HSPBAP1: variants seen among roughly 807,000 people sequenced by gnomAD.
HSPBAP1 encodes the protein HSPB1-associated protein 1.
HSPBAP1 carries 27 observed loss-of-function variants against 45.2 expected under a neutral mutation model. The observed-to-expected ratio is 0.60, with a 90% CI of 0.44 to 0.82. The LOEUF (loss-of-function observed/expected upper bound fraction) is 0.82. Ranked by LOEUF, HSPBAP1 falls within the 40% of genes least tolerant of loss-of-function variation. The pLI is 0.00. For missense variants in HSPBAP1, 510 were observed against 590.9 expected, an observed-to-expected ratio of 0.86 and a Z score of 1.42; for synonymous variants, 204 against 202.7, an observed-to-expected ratio of 1.01 and a Z score of -0.06.
chr3:122,772,590 T>TA (rs577601143), intron 2 of HSPBAP1, among the ~76,000 whole-genome samples: 45 of 151,906 alleles, frequency 3.0e-4, no homozygotes, highest in Non-Finnish European at 5.9e-4. Context: ...GCTATTTGTG[T>TA]AAAAAAAATT....
chr3:122,760,387 T>C (rs1341781644), intron 3 of HSPBAP1, among the ~76,000 whole-genome samples: 4 of 151,918 alleles, frequency 2.6e-5, no homozygotes, highest in African/African-American at 9.7e-5. Flanking sequence ...CCCACTTCTA[T>C]GTGCAGAACA....
At chr3:122,752,432 G>GTCTA (rs2107505407) in intron 6 of HSPBAP1, among the ~76,000 whole-genome samples, 159 bp downstream of exon 6, 1 of 152,024 alleles carries the variant, frequency 6.6e-6, no homozygotes, top group East Asian at 1.9e-4. Context: ...TCCATTAACA[G>GTCTA]AAGACAGAAT....
At chr3:122,749,532 A>C (rs1934049482) in intron 6 of HSPBAP1, among the ~76,000 whole-genome samples, 1 of 152,214 alleles carries the variant, frequency 6.6e-6, no homozygotes, top group Non-Finnish European at 1.5e-5. Flanking sequence ...AAAGAATTGC[A>C]AAGAAATCTT....
chr3:122,783,370 C>G (rs1935553233), intron 1 of HSPBAP1, among the ~76,000 whole-genome samples: 1 of 152,158 alleles, frequency 6.6e-6, no homozygotes, highest in Non-Finnish European at 1.5e-5. Context: ...TCTTCCTGGA[C>G]TTGATGTGCC....
intron 6 of HSPBAP1, among the ~76,000 whole-genome samples, chr3:122,744,910 T>G (rs1933791862): frequency 6.6e-6 from 1 of 152,088 alleles, no homozygotes; most frequent in African/African-American, 2.4e-5. Flanking sequence ...ATTGATATAA[T>G]TTATTGCAAT....
chr3:122,787,864 A>T (rs1355934508), intron 1 of HSPBAP1, among the ~76,000 whole-genome samples: 2 of 152,232 alleles, frequency 1.3e-5, no homozygotes, highest in Non-Finnish European at 1.5e-5. Flanking sequence ...CACCAAAAAG[A>T]ATTTTTCATT....
At chr3:122,780,777 A>G (rs1368803790) in intron 1 of HSPBAP1, among the ~76,000 whole-genome samples, 19 of 147,034 alleles carry the variant, frequency 1.3e-4, no homozygotes, top group South Asian at 6.6e-4. Context: ...TGCCGGGCGG[A>G]GGGGCTCCTC....
At chr3:122,752,508 A>T in intron 6 of HSPBAP1, 83 bp downstream of exon 6, 2 of 771,984 alleles carry the variant, frequency 2.6e-6, no homozygotes, top group Non-Finnish European at 4.1e-6. Context: ...TTAATTACCC[A>T]GTTGTACAGC....
At chr3:122,743,818 G>A (rs904480363) in intron 6 of HSPBAP1, among the ~76,000 whole-genome samples, 1 of 152,138 alleles carries the variant, frequency 6.6e-6, no homozygotes, top group African/African-American at 2.4e-5. Context: ...AGACAGGAAA[G>A]GGATTGGGAA....
In HSPBAP1 at chr3:122,741,905, C is replaced by G. The variant is rs138873030; in HGVS notation, c.826-792G>C. 176 of 152,032 alleles carry G rather than the reference C, an allele frequency of 1.2e-3. 1 individual carries two copies. Among genetic ancestry groups the G allele is most frequent in the African/African-American group, 4.2e-3 (174 of 41,478 alleles). 9.4% of individuals were successfully genotyped at this position (152,032 alleles called of 1,614,324 possible). On this transcript the variant is annotated intron_variant, in intron 6 of 7. Transcript: ENST00000306103. ...AAGTGGGACATTGAGAGACAAAAGT[C>G]TTATACACTAATGGGAAAGCAAACT... is the stretch of plus-strand genomic sequence containing the variant.
rs767965148 is a variant in HSPBAP1, at chr3:122,755,438, A to T, written c.570-7T>A. 1.2e-4 allele frequency: 35 copies of T among 280,276 alleles called. No individual in the cohort carries two copies. The highest frequency in any genetic ancestry group is 6.6e-4 in the Admixed American group (6 of 9,150). The allele number at this position is 280,276 out of a possible 1,614,324, so 17.4% of individuals were successfully genotyped here. A position where few individuals can be genotyped will look rare whatever the true frequency, so the allele number is the denominator to read the frequency against. The stretch of plus-strand genomic sequence containing the variant: ...AAAGAGATGCCATCGTTTCCTAATT[A>T]AAAAAAAAAAAAAAAGATACAAGTT... On this transcript the variant is annotated splice_region_variant and splice_polypyrimidine_tract_variant and intron_variant, in intron 4 of 7. Coordinates refer to ENST00000306103, the MANE Select transcript of HSPBAP1 (RefSeq NM_024610.6).
chr3:122,792,936 G>C (rs1209921831), intron 1 of HSPBAP1, among the ~76,000 whole-genome samples: 1 of 151,698 alleles, frequency 6.6e-6, no homozygotes, highest in Non-Finnish European at 1.5e-5. Flanking sequence ...TTCGCTCCTT[G>C]AAGCATTTAT....
At chr3:122,772,840 T>G (rs1046041115) in intron 2 of HSPBAP1, among the ~76,000 whole-genome samples, 3 of 151,362 alleles carry the variant, frequency 2.0e-5, no homozygotes, top group African/African-American at 7.3e-5. Context: ...ACACAATCTT[T>G]ATTTTTTCAT....
intron 3 of HSPBAP1, among the ~76,000 whole-genome samples, chr3:122,767,215 G>C (rs928585834): frequency 6.6e-6 from 1 of 152,074 alleles, no homozygotes; most frequent in Admixed American, 6.6e-5. Flanking sequence ...TTCTTTCATG[G>C]GTATGAGAAT....
intron 5 of HSPBAP1, 108 bp from the exon 6 acceptor site, chr3:122,752,782 T>C: frequency 3.6e-6 from 5 of 1,401,054 alleles, no homozygotes; most frequent in Non-Finnish European, 4.7e-6. Flanking sequence ...ACAAATGAAT[T>C]CACAATAATA....
intron 6 of HSPBAP1, among the ~76,000 whole-genome samples, chr3:122,751,943 C>G (rs961754807): frequency 3.3e-5 from 5 of 152,124 alleles, no homozygotes; most frequent in Non-Finnish European, 4.4e-5. Context: ...GCAATCCAGG[C>G]TTCAGGTCAA....
rs149404291 is a variant in HSPBAP1 at position 122,777,779 on chromosome 3, C to T, written c.192G>A (p.Ser64=). 1.4e-5 allele frequency: 23 copies of T among 1,613,832 alleles called. No individual in the cohort carries two copies. In the East Asian group the frequency reaches 4.7e-4, roughly 33 times the overall value. The change falls in exon 2 of 8, where the codon TCG becomes TCA. Residue 64 remains serine (S), a synonymous_variant. Coordinates refer to ENST00000306103, the MANE Select transcript of HSPBAP1 (RefSeq NM_024610.6). The part of the protein sequence containing the change: ...PARHWNAKYL[S]QVLHGKQIRF... ...GTATCTGCTTGCCATGAAGGACCTG[C>T]GAAAGGTATTTAGCATTCCAGTGTC...
chr3:122,748,327 C>T (rs950764680), intron 6 of HSPBAP1, among the ~76,000 whole-genome samples: 3 of 151,848 alleles, frequency 2.0e-5, no homozygotes, highest in Non-Finnish European at 4.4e-5. Context: ...CCACTATTGT[C>T]CTATGACCCT....
At chr3:122,765,887 C>G (rs1396361330) in intron 3 of HSPBAP1, among the ~76,000 whole-genome samples, 1 of 152,078 alleles carries the variant, frequency 6.6e-6, no homozygotes, top group Admixed American at 6.6e-5. Flanking sequence ...AACTAATGAA[C>G]CTTTAAGAAA....
Sources: allele counts gnomAD v4.1 joint callset (sites outside exome capture counted in the v4.1 genomes callset), GRCh38; gene constraint gnomAD v4.1.1; transcripts MANE v1.5; gene names NCBI Gene and HGNC (gene_info 2026-07-23, HGNC 2026-07-21).